SHROOM3: variants seen among roughly 807,000 people sequenced by gnomAD.
The protein encoded by SHROOM3 is shroom family member 3.
A neutral mutation model predicts 138.6 loss-of-function variants in SHROOM3; 47 were observed. That is an observed-to-expected ratio of 0.34 (90% CI 0.27 to 0.43). The LOEUF (loss-of-function observed/expected upper bound fraction) is 0.43. SHROOM3 is among the 20% of genes least tolerant of loss of function. SHROOM3 has a pLI of 1.00. For missense variants in SHROOM3, 2,491 were observed against 2,596.5 expected, an observed-to-expected ratio of 0.96 and a Z score of 0.88; for synonymous variants, 1,062 against 1,063.3, an observed-to-expected ratio of 1.00 and a Z score of 0.02.
At chr4:76,549,581 C>T (rs934687376) in intron 1 of SHROOM3, among the ~76,000 whole-genome samples, 3 of 152,080 alleles carry the variant, frequency 2.0e-5, no homozygotes, top group Non-Finnish European at 2.9e-5. Flanking sequence ...GTTGGTCAGG[C>T]TGGTCTCGAA....
intron 2 of SHROOM3, among the ~76,000 whole-genome samples, chr4:76,663,053 T>C: frequency 6.6e-6 from 1 of 152,172 alleles, no homozygotes; most frequent in East Asian, 1.9e-4. Flanking sequence ...TTCTTGCTTC[T>C]AGACAGAGTC....
At chr4:76,691,785 C>A (rs1719549639) in intron 2 of SHROOM3, among the ~76,000 whole-genome samples, 1 of 152,218 alleles carries the variant, frequency 6.6e-6, no homozygotes, top group East Asian at 1.9e-4. Flanking sequence ...AAAACATCAA[C>A]ATTCTACTGT....
At chr4:76,668,744 A>G (rs986176375) in intron 2 of SHROOM3, among the ~76,000 whole-genome samples, 1 of 152,192 alleles carries the variant, frequency 6.6e-6, no homozygotes, top group African/African-American at 2.4e-5. Context: ...AGTTTGAAAT[A>G]GAGGATGAAG....
At chr4:76,733,141 A>G (rs1720931167) in intron 4 of SHROOM3, among the ~76,000 whole-genome samples, 1 of 152,204 alleles carries the variant, frequency 6.6e-6, no homozygotes, top group South Asian at 2.1e-4. Flanking sequence ...GACTTAAAAA[A>G]TGTGCTGGCC....
At position 76,779,141 on chromosome 4, in the gene SHROOM3, C is replaced by T. The variant is rs929402184; in HGVS notation, c.5955C>T (p.Phe1985=). The T allele has an allele frequency of 6.2e-7, 1 of 1,613,570 alleles. No homozygotes were observed. The highest frequency in any genetic ancestry group is 8.5e-7 in the Non-Finnish European group (1 of 1,179,632). The change falls in exon 11 of 11, where the codon TTC becomes TTT. Residue 1985 remains phenylalanine, a synonymous_variant. Coordinates refer to ENST00000296043, the MANE Select transcript of SHROOM3 (RefSeq NM_020859.4). ...SEPIPAGGCT[F]SGIFPTLTSP... ...CCATTCCTGCTGGGGGCTGTACTTT[C>T]AGTGGTATTTTCCCAACATTAACCT...
chr4:76,437,999 T>TTA (rs1361580781), intron 1 of SHROOM3, among the ~76,000 whole-genome samples: 1 of 152,148 alleles, frequency 6.6e-6, no homozygotes, highest in African/African-American at 2.4e-5. Context: ...ACTATCTACT[T>TTA]TAATGGGTTG....
intron 2 of SHROOM3, among the ~76,000 whole-genome samples, chr4:76,633,664 A>C (rs1012569983): frequency 1.7e-4 from 25 of 149,102 alleles, no homozygotes; most frequent in Non-Finnish European, 3.4e-4. Context: ...CTCAAAAAAA[A>C]AAAAAAAAAA....
intron 2 of SHROOM3, among the ~76,000 whole-genome samples, chr4:76,603,642 T>C (rs1351813879): frequency 1.3e-5 from 2 of 151,994 alleles, no homozygotes; most frequent in Non-Finnish European, 2.9e-5. Context: ...TGCAGGTTTG[T>C]TACATAGGTA....
chr4:76,767,157 A>G lies in SHROOM3; in HGVS notation c.5350-3469A>G, dbSNP rs1448374586. On this transcript the variant is annotated intron_variant, in intron 9 of 10. Transcript: ENST00000296043. ...GCCCGATTGCAGTTTGGCTGGGTCA[A>G]GTTATTTTGACCCTTCCAGTCCACT... Among the ~76,000 whole-genome samples the G allele has an allele frequency of 3.9e-5, 6 of 152,156 alleles. No individual in the cohort carries two copies. In the East Asian group the frequency reaches 5.8e-4, roughly 15 times the overall value.
chr4:76,492,813 C>T (rs1282482854), intron 1 of SHROOM3, among the ~76,000 whole-genome samples: 1 of 152,146 alleles, frequency 6.6e-6, no homozygotes, highest in Non-Finnish European at 1.5e-5. Flanking sequence ...CCCTATGCTC[C>T]TCTCTGAGAA....
chr4:76,716,278 T>C, intron 3 of SHROOM3: 1 of 518,240 alleles, frequency 1.9e-6, no homozygotes, highest in Non-Finnish European at 3.9e-6. Flanking sequence ...CATGTAGTAC[T>C]TGTGAGGCTT....
chr4:76,667,310 TTTTTC>T (rs1404352640), intron 2 of SHROOM3, among the ~76,000 whole-genome samples: 2 of 152,046 alleles, frequency 1.3e-5, no homozygotes, highest in African/African-American at 4.8e-5. Flanking sequence ...TGTAGGCTGT[TTTTTC>T]TTTTGTTTTG....
intron 2 of SHROOM3, among the ~76,000 whole-genome samples, chr4:76,667,338 T>C (rs1718724225): frequency 6.6e-6 from 1 of 152,264 alleles, no homozygotes; most frequent in Middle Eastern, 3.4e-3. Flanking sequence ...TCGTTTTTTT[T>C]AGACAGGTTC....
intron 2 of SHROOM3, among the ~76,000 whole-genome samples, chr4:76,685,562 A>G (rs1181965260): frequency 6.6e-6 from 1 of 152,222 alleles, no homozygotes; most frequent in African/African-American, 2.4e-5. Flanking sequence ...TTATTTAGCA[A>G]AGATTCCTAC....
At chr4:76,485,108 A>C (rs1731702218) in intron 1 of SHROOM3, among the ~76,000 whole-genome samples, 1 of 152,232 alleles carries the variant, frequency 6.6e-6, no homozygotes, top group African/African-American at 2.4e-5. Flanking sequence ...AATTCAGATT[A>C]TCTCAAGATT....
At chr4:76,571,883 C>T (rs1258352801) in intron 2 of SHROOM3, among the ~76,000 whole-genome samples, 2 of 152,096 alleles carry the variant, frequency 1.3e-5, no homozygotes, top group African/African-American at 4.8e-5. Flanking sequence ...GTCTCTGTGT[C>T]CATTGTGAGA....
At chr4:76,602,230 G>A (rs960201206) in intron 2 of SHROOM3, among the ~76,000 whole-genome samples, 1 of 151,892 alleles carries the variant, frequency 6.6e-6, no homozygotes, top group Non-Finnish European at 1.5e-5. Context: ...CCTATGATAA[G>A]TACTGCTCCT....
intron 5 of SHROOM3, among the ~76,000 whole-genome samples, chr4:76,743,628 C>T (rs1051390132): frequency 1.3e-5 from 2 of 152,192 alleles, no homozygotes; most frequent in Non-Finnish European, 1.5e-5. Flanking sequence ...ACAATAGATA[C>T]TAGTGATGGA....
intron 2 of SHROOM3, among the ~76,000 whole-genome samples, chr4:76,660,112 C>T (rs545808671): frequency 6.6e-6 from 1 of 152,264 alleles, no homozygotes; most frequent in South Asian, 2.1e-4. Flanking sequence ...GGCACTGCCA[C>T]CCGCCTCTGT....
Sources: gnomAD v4.1 joint callset for allele counts (sites outside exome capture counted in the v4.1 genomes callset) on GRCh38, gnomAD v4.1.1 for gene constraint, MANE v1.5 for transcripts, NCBI Gene and HGNC (gene_info 2026-07-23, HGNC 2026-07-21) for gene names.